The following SPEF2 variants were observed in gnomAD, a reference collection of about 807,000 sequenced individuals.
SPEF2 encodes the protein sperm flagellar and cilia associated 2, also known as sperm flagella and cilia-associated protein 2.
SPEF2 carries 187 observed loss-of-function variants against 224.6 expected under a neutral mutation model. The observed-to-expected ratio is 0.83, with a 90% CI of 0.74 to 0.94. The LOEUF is 0.94. SPEF2 is among the 40% of genes least tolerant of loss of function. SPEF2 has a pLI of 0.00. For missense variants in SPEF2, 2,170 were observed against 2,135.6 expected, an observed-to-expected ratio of 1.02 and a Z score of -0.32; for synonymous variants, 715 against 707.3, an observed-to-expected ratio of 1.01 and a Z score of -0.17.
intron 32 of SPEF2, among the ~76,000 whole-genome samples, chr5:35,793,967 A>G (rs540732720): frequency 1.4e-4 from 22 of 152,224 alleles, no homozygotes; most frequent in Non-Finnish European, 3.1e-4. Flanking sequence ...ACTCAAGGAA[A>G]GTAATGGATA....
At chr5:35,695,266 T>G (rs10461958) in intron 13 of SPEF2, among the ~76,000 whole-genome samples, 55,496 of 106,636 alleles carry the variant, frequency 0.52, 11,217 homozygotes, top group Non-Finnish European at 0.54. Context: ...AAACTTCTGG[T>G]TTTTTTTTTT....
At position 35,814,581 on chromosome 5, in the gene SPEF2, C is replaced by G; in HGVS notation, c.*28C>G. 6.9e-7 allele frequency: 1 copy of G among 1,450,234 alleles called. No homozygotes were observed. The allele number at this position is 1,450,234 out of a possible 1,614,324, so 89.8% of individuals were successfully genotyped here. A position where few individuals can be genotyped will look rare whatever the true frequency, so the allele number is the denominator to read the frequency against. On this transcript the variant is annotated 3_prime_UTR_variant, in exon 37 of 37. Transcript: ENST00000356031. ...ACAAAAGAGTGTGATTTTTTTAATT[C>G]TGCAATAAATCTTCCAAAAATTAAA... is the stretch of plus-strand genomic sequence containing the variant.
chr5:35,709,265 A>T, intron 19 of SPEF2, 144 bp downstream of exon 19: 1 of 1,466,290 alleles, frequency 6.8e-7, no homozygotes, highest in Non-Finnish European at 9.0e-7. Flanking sequence ...TGGAAGTGGA[A>T]AAGCCCTCGG....
chr5:35,637,661 T>G (rs1199531539), intron 2 of SPEF2, among the ~76,000 whole-genome samples: 1 of 152,206 alleles, frequency 6.6e-6, no homozygotes, highest in Non-Finnish European at 1.5e-5. Context: ...GAGCTTCTGG[T>G]GTACAGGGTA....
chr5:35,739,847 G>C, intron 21 of SPEF2, 72 bp from the exon 22 acceptor site: 1 of 1,571,030 alleles, frequency 6.4e-7, no homozygotes, highest in Non-Finnish European at 8.6e-7. Context: ...GCTTGGGACT[G>C]TTCTTTTGAC....
chr5:35,800,126 T>C lies in SPEF2; in HGVS notation c.4989T>C (p.Ala1663=), dbSNP rs1227528382. 1.9e-6 allele frequency: 3 copies of C among 1,613,988 alleles called. No homozygotes were observed. Among genetic ancestry groups the C allele is most frequent in the East Asian group, 2.2e-5 (1 of 44,880 alleles). The change falls in exon 34 of 37, where the codon GCT becomes GCC. Residue 1663 remains alanine (A), a synonymous_variant. Coordinates refer to ENST00000356031, the MANE Select transcript of SPEF2 (RefSeq NM_024867.4). ...VGTHVFQQVK[A]SIPSAEKTSS... Reference sequence around the variant, plus strand: ...CTCATGTCTTCCAACAAGTCAAAGCTTCCATTCCAAGTGCAGAAAAGGTAA... The same window carrying C: ...CTCATGTCTTCCAACAAGTCAAAGCCTCCATTCCAAGTGCAGAAAAGGTAA...
intron 21 of SPEF2, among the ~76,000 whole-genome samples, chr5:35,730,173 G>C (rs1745404332): frequency 6.6e-6 from 1 of 152,220 alleles, no homozygotes; most frequent in African/African-American, 2.4e-5. Context: ...GAGAGAGATT[G>C]AAAAGAGAGG....
intron 19 of SPEF2, chr5:35,710,050 A>G (rs2149593538): frequency 1.0e-6 from 1 of 979,874 alleles, no homozygotes; most frequent in Non-Finnish European, 1.2e-6. Context: ...TTAGTAAGAT[A>G]TATTATGATA....
intron 18 of SPEF2, among the ~76,000 whole-genome samples, chr5:35,708,643 A>G (rs1235868115): frequency 2.9e-3 from 1 of 344 alleles, no homozygotes; most frequent in African/African-American, 0.011. Context: ...CACCTCTACC[A>G]GCACCTCCAC....
chr5:35,753,521 T>C (rs1402516032), intron 23 of SPEF2, 103 bp from the exon 24 acceptor site: 2 of 1,511,754 alleles, frequency 1.3e-6, no homozygotes, highest in African/African-American at 2.7e-5. Flanking sequence ...AAAATTTCTT[T>C]AGAGACATTT....
intron 21 of SPEF2, 69 bp downstream of exon 21, chr5:35,727,892 C>A (rs1359813889): frequency 9.2e-6 from 14 of 1,519,160 alleles, no homozygotes; most frequent in South Asian, 1.3e-5. Flanking sequence ...TTCACACTGT[C>A]ATTTGCAACA....
Position 35,774,026 on chromosome 5 carries a change from C to A in SPEF2, c.4078+5C>A. 2 of 1,610,028 alleles carry A rather than the reference C, an allele frequency of 1.2e-6. No individual in the cohort carries two copies. Among genetic ancestry groups the A allele is most frequent in the South Asian group, 1.1e-5 (1 of 90,640 alleles). Reference sequence around the variant, plus strand: ...TTGCTGCCTTGCAATTTGAAGGTAGCGATTGAAACGACTAAGATGATGCTT... The same window carrying A: ...TTGCTGCCTTGCAATTTGAAGGTAGAGATTGAAACGACTAAGATGATGCTT... On this transcript the variant is annotated splice_donor_5th_base_variant and intron_variant, in intron 28 of 36. Transcript: ENST00000356031.
chr5:35,807,904 C>A, intron 36 of SPEF2: 3 of 1,448,240 alleles, frequency 2.1e-6, no homozygotes, highest in Non-Finnish European at 2.7e-6. Flanking sequence ...TGACACCAAC[C>A]CCCTTTCATA....
At chr5:35,665,471 AAGAG>A (rs923443697) in intron 8 of SPEF2, among the ~76,000 whole-genome samples, 3 of 151,774 alleles carry the variant, frequency 2.0e-5, no homozygotes, top group Non-Finnish European at 2.9e-5. Flanking sequence ...GGAAGGGAGG[AAGAG>A]AGAGAGGGAG....
intron 10 of SPEF2, among the ~76,000 whole-genome samples, chr5:35,679,668 T>G (rs368135364): frequency 4.1e-4 from 62 of 152,336 alleles, no homozygotes; most frequent in East Asian, 2.7e-3. Flanking sequence ...TAGAGCAGAT[T>G]GTACGTACCC....
intron 13 of SPEF2, 126 bp downstream of exon 13, chr5:35,694,489 T>A (rs1399845841): frequency 1.3e-6 from 1 of 770,890 alleles, no homozygotes; most frequent in Non-Finnish European, 2.1e-6. Flanking sequence ...TACATAGTTG[T>A]CTACATATGG....
At chr5:35,654,436 G>A (rs1442090135) in intron 6 of SPEF2, 104 bp from the exon 7 acceptor site, 1 of 867,268 alleles carries the variant, frequency 1.2e-6, no homozygotes, top group Non-Finnish European at 1.7e-6. Flanking sequence ...AATTAACAGT[G>A]AACTCAAGGG....
intron 12 of SPEF2, among the ~76,000 whole-genome samples, chr5:35,693,567 TGTA>T (rs1754843593): frequency 6.6e-6 from 1 of 152,156 alleles, no homozygotes; most frequent in South Asian, 2.1e-4. Context: ...GAATCCTTGA[TGTA>T]GTCCAGCTCC....
intron 10 of SPEF2, among the ~76,000 whole-genome samples, chr5:35,687,866 C>T (rs7705331): frequency 0.22 from 33,647 of 151,972 alleles, 5,318 homozygotes; most frequent in African/African-American, 0.43. Flanking sequence ...AGAATCTATA[C>T]ATTTTTTGTT....
Sources: gnomAD v4.1 joint callset for allele counts (sites outside exome capture counted in the v4.1 genomes callset) on GRCh38, gnomAD v4.1.1 for gene constraint, MANE v1.5 for transcripts, NCBI Gene and HGNC (gene_info 2026-07-23, HGNC 2026-07-21) for gene names.